Variants in CDH8 observed in about 807,000 individuals in gnomAD.
CDH8 encodes the protein cadherin-8.
In CDH8, 17 loss-of-function variants were observed where a neutral mutation model predicts 68.1. The observed-to-expected ratio is 0.25, with a 90% CI of 0.17 to 0.37. The LOEUF is 0.37. Ranked by LOEUF, CDH8 falls within the 10% of genes least tolerant of loss-of-function variation. The pLI is 1.00. For synonymous variants in CDH8, 372 were observed against 365.1 expected, an observed-to-expected ratio of 1.02 and a Z score of -0.21; for missense variants, 763 against 999.3, an observed-to-expected ratio of 0.76 and a Z score of 3.19.
chr16:61,665,239 T>A lies in CDH8; in HGVS notation c.1655-9518A>T, dbSNP rs74533184. 6.1e-4 allele frequency among the ~76,000 whole-genome samples: 92 copies of A among 151,548 alleles called. 1 individual carries two copies. The East Asian group carries it at 0.016, about 27-fold the overall frequency. On this transcript the variant is annotated intron_variant, in intron 10 of 11. Coordinates refer to ENST00000577390, the MANE Select transcript of CDH8 (RefSeq NM_001796.5). The stretch of plus-strand genomic sequence containing the variant: ...CAGCCACATACAAGCAAAGAGAAGA[T>A]CCCTCAGAATGAAAACTACCTTGCA...
chr16:61,804,316 A>G (rs532391628), intron 7 of CDH8, among the ~76,000 whole-genome samples: 4,270 of 151,290 alleles, frequency 0.028, 196 homozygotes, highest in African/African-American at 0.1. Context: ...CACATTCAAA[A>G]CAGTGTGTAG....
intron 3 of CDH8, among the ~76,000 whole-genome samples, chr16:61,864,301 G>A (rs935097116): frequency 8.9e-5 from 9 of 100,894 alleles, no homozygotes; most frequent in African/African-American, 3.6e-4. Flanking sequence ...CCGGTTGGTT[G>A]GTTGGTTGGT....
intron 2 of CDH8, among the ~76,000 whole-genome samples, chr16:61,974,554 T>C (rs1350716981): frequency 1.3e-5 from 2 of 152,170 alleles, no homozygotes; most frequent in African/African-American, 4.8e-5. Context: ...TCACAGCCTT[T>C]GGGAAGCCTA....
At chr16:61,998,855 C>G (rs920153544) in intron 2 of CDH8, among the ~76,000 whole-genome samples, 1 of 152,048 alleles carries the variant, frequency 6.6e-6, no homozygotes, top group Non-Finnish European at 1.5e-5. Context: ...ATATTTTATT[C>G]TAATGACTTA....
At chr16:61,989,789 A>G (rs1417666641) in intron 2 of CDH8, among the ~76,000 whole-genome samples, 1 of 151,854 alleles carries the variant, frequency 6.6e-6, no homozygotes, top group Non-Finnish European at 1.5e-5. Flanking sequence ...AAACATTAAT[A>G]CTTTCCCATA....
chr16:61,960,239 A>ATGTGTGTGTGTATACACACATATATACG lies in CDH8; in HGVS notation c.253-58767_253-58766insCGTATATATGTGTGTATACACACACACA, dbSNP rs1965107480. ...TGTGTGTGTATACACACATATATAC[A>ATGTGTGTGTGTATACACACATATATACG]TGTGTGTGTGTATACACATACATAT... On this transcript the variant is annotated intron_variant, in intron 2 of 11. Coordinates refer to ENST00000577390, the MANE Select transcript of CDH8 (RefSeq NM_001796.5). Among the ~76,000 whole-genome samples, 17 of 38,074 alleles carry ATGTGTGTGTGTATACACACATATATACG rather than the reference A, an allele frequency of 4.5e-4. 6 individuals are homozygous for ATGTGTGTGTGTATACACACATATATACG. Among genetic ancestry groups the ATGTGTGTGTGTATACACACATATATACG allele is most frequent in the Non-Finnish European group, 8.4e-4 (17 of 20,204 alleles). 25.0% of individuals were successfully genotyped at this position (38,074 alleles called of 152,430 possible).
At chr16:61,822,002 A>C (rs1962224938) in intron 5 of CDH8, among the ~76,000 whole-genome samples, 1 of 151,840 alleles carries the variant, frequency 6.6e-6, no homozygotes, top group African/African-American at 2.4e-5. Context: ...TGTCAGGCCA[A>C]AAATGCCAGA....
At chr16:61,938,691 AG>A (rs992705318) in intron 2 of CDH8, among the ~76,000 whole-genome samples, 27 of 152,304 alleles carry the variant, frequency 1.8e-4, no homozygotes, top group Non-Finnish European at 3.2e-4. Flanking sequence ...ATTTGTCCAA[AG>A]ATCAACATGT....
intron 4 of CDH8, among the ~76,000 whole-genome samples, chr16:61,832,371 G>GATAA (rs997382612): frequency 6.7e-6 from 1 of 149,500 alleles, no homozygotes; most frequent in Non-Finnish European, 1.5e-5. Flanking sequence ...TAGATAGATA[G>GATAA]ATAGATAGAT....
chr16:62,024,272 A>C (rs564088649), intron 1 of CDH8, among the ~76,000 whole-genome samples: 11 of 152,234 alleles, frequency 7.2e-5, no homozygotes, highest in Non-Finnish European at 1.3e-4. Context: ...AATTAACAAC[A>C]ATAGCAATGA....
rs1963277807 is a variant in CDH8 at position 61,649,711 on chromosome 16, C to T, written c.*3897G>A. 1 of 151,986 alleles carries T rather than the reference C, an allele frequency of 6.6e-6. No individual in the cohort carries two copies. Among genetic ancestry groups the T allele is most frequent in the Admixed American group, 6.6e-5 (1 of 15,228 alleles). The allele number at this position is 151,986 out of a possible 1,614,324, so 9.4% of individuals were successfully genotyped here. A position where few individuals can be genotyped will look rare whatever the true frequency, so the allele number is the denominator to read the frequency against. On this transcript the variant is annotated 3_prime_UTR_variant, in exon 12 of 12. Transcript: ENST00000577390. ...ACATTCGTGAGATTCCCTGCAAAGCCAGTGATCGCATAATACAACTTGTTG... is the reference window on the plus strand; with the variant it reads ...ACATTCGTGAGATTCCCTGCAAAGCTAGTGATCGCATAATACAACTTGTTG...
chr16:61,929,404 G>A (rs1055937546), intron 2 of CDH8, among the ~76,000 whole-genome samples: 1 of 152,088 alleles, frequency 6.6e-6, no homozygotes, highest in Non-Finnish European at 1.5e-5. Context: ...GACTACAAAA[G>A]GTTTGGGCTA....
chr16:61,902,918 C>G (rs1475857998), intron 2 of CDH8, among the ~76,000 whole-genome samples: 1 of 152,072 alleles, frequency 6.6e-6, no homozygotes, highest in Admixed American at 6.6e-5. Flanking sequence ...GCCACTTTAT[C>G]TTAATGAATG....
intron 10 of CDH8, among the ~76,000 whole-genome samples, chr16:61,672,359 G>A (rs1430351821): frequency 6.6e-6 from 1 of 151,960 alleles, no homozygotes; most frequent in Admixed American, 6.6e-5. Flanking sequence ...AGTAGACAGT[G>A]CCCAGGCTCT....
chr16:61,928,418 A>G (rs977928022), intron 2 of CDH8, among the ~76,000 whole-genome samples: 7 of 152,212 alleles, frequency 4.6e-5, no homozygotes, highest in African/African-American at 1.7e-4. Flanking sequence ...GCTCTAAGAC[A>G]TGAGATAAGA....
intron 8 of CDH8, among the ~76,000 whole-genome samples, chr16:61,741,322 T>C (rs1196623966): frequency 6.6e-6 from 1 of 152,174 alleles, no homozygotes; most frequent in East Asian, 1.9e-4. Context: ...AATTCCTTCT[T>C]CTGCCCAATG....
intron 2 of CDH8, among the ~76,000 whole-genome samples, chr16:62,016,982 T>A (rs1901956912): frequency 6.6e-6 from 1 of 152,164 alleles, no homozygotes; most frequent in African/African-American, 2.4e-5. Context: ...ATAAAAAAAA[T>A]TGTTAACTAC....
At chr16:61,709,046 C>G (rs1448252142) in intron 10 of CDH8, among the ~76,000 whole-genome samples, 2 of 151,944 alleles carry the variant, frequency 1.3e-5, no homozygotes, top group African/African-American at 4.8e-5. Flanking sequence ...ACAGTTTCTG[C>G]TTGTTGTTTG....
rs1366050152 is a variant in CDH8 at position 61,965,120 on chromosome 16, A to G, written c.252+56032T>C. ...GTTGAGGTTGGGGGCATCTGTGTTC[A>G]AAATATAAGAAACAGCATGTGAAAA... On this transcript the variant is annotated intron_variant, in intron 2 of 11. Coordinates refer to ENST00000577390, the MANE Select transcript of CDH8 (RefSeq NM_001796.5). Among the ~76,000 whole-genome samples, 3 of 152,146 alleles carry G rather than the reference A, an allele frequency of 2.0e-5. No individual in the cohort carries two copies. The East Asian group carries it at 5.8e-4, about 29-fold the overall frequency.
Sources: gnomAD v4.1 joint callset for allele counts (sites outside exome capture counted in the v4.1 genomes callset) on GRCh38, gnomAD v4.1.1 for gene constraint, MANE v1.5 for transcripts, NCBI Gene and HGNC (gene_info 2026-07-23, HGNC 2026-07-21) for gene names.